The following ABCC1 variants were observed in gnomAD, a reference collection of about 807,000 sequenced individuals.
ABCC1 encodes the protein multidrug resistance-associated protein 1.
In ABCC1, 83 loss-of-function variants were observed where a neutral mutation model predicts 172.9. That is an observed-to-expected ratio of 0.48 (90% CI 0.40 to 0.58). ABCC1 has a LOEUF of 0.58. Ranked by LOEUF, ABCC1 falls within the 20% of genes least tolerant of loss-of-function variation. ABCC1 has a pLI of 0.00. For missense variants in ABCC1, 1,817 were observed against 2,002.7 expected (o/e 0.91, Z 1.77); for synonymous variants, 937 against 825.2 (o/e 1.14, Z -2.32).
At chr16:15,959,940 C>T (rs2046091338) in intron 1 of ABCC1, among the ~76,000 whole-genome samples, 1 of 152,194 alleles carries the variant, frequency 6.6e-6, no homozygotes, top group African/African-American at 2.4e-5. Context: ...CTGTAACCCT[C>T]AAGTAGTAAT....
chr16:16,029,695 A>G (rs2048497028), intron 5 of ABCC1, among the ~76,000 whole-genome samples: 2 of 152,228 alleles, frequency 1.3e-5, no homozygotes, highest in African/African-American at 4.8e-5. Context: ...TCTAATGATA[A>G]CATCTGAAAG....
At chr16:16,036,153 A>G (rs2048747410) in intron 6 of ABCC1, among the ~76,000 whole-genome samples, 1 of 151,934 alleles carries the variant, frequency 6.6e-6, no homozygotes. Flanking sequence ...ACGAATAATA[A>G]AAAATAAAAA....
At chr16:16,118,036 C>T (rs929663852) in intron 23 of ABCC1, among the ~76,000 whole-genome samples, 16 of 152,258 alleles carry the variant, frequency 1.1e-4, no homozygotes, top group African/African-American at 3.4e-4. Context: ...CTTAGGATAT[C>T]GCAGGATAGA....
At chr16:16,026,412 C>T (rs536854312) in intron 5 of ABCC1, among the ~76,000 whole-genome samples, 52 of 109,930 alleles carry the variant, frequency 4.7e-4, no homozygotes, top group Admixed American at 3.7e-3. Flanking sequence ...GCAGCCTGGG[C>T]GATGAGAGTG....
intron 20 of ABCC1, among the ~76,000 whole-genome samples, chr16:16,105,015 C>T (rs1271998399): frequency 6.6e-6 from 1 of 152,158 alleles, no homozygotes; most frequent in East Asian, 1.9e-4. Context: ...TCTCCCTCCA[C>T]ACCTCCCCGC....
chr16:16,119,161 T>C (rs904508519), intron 23 of ABCC1, among the ~76,000 whole-genome samples: 2 of 152,118 alleles, frequency 1.3e-5, no homozygotes, highest in Non-Finnish European at 2.9e-5. Context: ...TGAAGTTCGG[T>C]CGGGTGCAGT....
At chr16:16,074,588 G>C (rs1287881767) in intron 14 of ABCC1, among the ~76,000 whole-genome samples, 3 of 152,132 alleles carry the variant, frequency 2.0e-5, no homozygotes, top group Non-Finnish European at 2.9e-5. Context: ...TGGCCTCCTA[G>C]GTGGTTGGAC....
At chr16:16,015,010 C>G (rs528402093) in intron 4 of ABCC1, among the ~76,000 whole-genome samples, 2 of 152,288 alleles carry the variant, frequency 1.3e-5, no homozygotes, top group Admixed American at 1.3e-4. Context: ...AGTGACTGTT[C>G]CCCTGGGGGA....
At chr16:16,065,689 T>A (rs1335608326) in intron 12 of ABCC1, among the ~76,000 whole-genome samples, 2 of 152,146 alleles carry the variant, frequency 1.3e-5, no homozygotes, top group African/African-American at 4.8e-5. Flanking sequence ...TGCCTTGGCC[T>A]CCCAACATGC....
chr16:16,114,601 A>G lies in ABCC1; in HGVS notation c.3080-165A>G, dbSNP rs13332852. Among the ~76,000 whole-genome samples the G allele has an allele frequency of 6.4e-3, 981 of 152,146 alleles. 13 individuals carry two copies. The highest frequency in any genetic ancestry group is 0.022 in the African/African-American group (921 of 41,492). The stretch of plus-strand genomic sequence containing the variant: ...AGTGATCCACCCACCTCGGCCTCCC[A>G]AAGTGCTGGGATTACAGGTGTGAGC... On this transcript the variant is annotated intron_variant, in intron 22 of 30. Transcript: ENST00000399410.
At chr16:15,999,935 A>G (rs990798008) in intron 1 of ABCC1, among the ~76,000 whole-genome samples, 4 of 145,680 alleles carry the variant, frequency 2.7e-5, no homozygotes, top group Non-Finnish European at 4.5e-5. Flanking sequence ...GCTCACTGCA[A>G]CCTCTGCTTC....
At chr16:16,028,592 C>A (rs567539202) in intron 5 of ABCC1, among the ~76,000 whole-genome samples, 1 of 152,108 alleles carries the variant, frequency 6.6e-6, no homozygotes, top group African/African-American at 2.4e-5. Context: ...GGTGTCAGCT[C>A]TTCCGGATGA....
In ABCC1 at chr16:16,034,023, C is replaced by CTT. The variant is rs10580146; in HGVS notation, c.677+874_677+875dup. Among the ~76,000 whole-genome samples the CTT allele has an allele frequency of 1.2e-3, 107 of 86,828 alleles. 6 individuals are homozygous for CTT. Among genetic ancestry groups the CTT allele is most frequent in the East Asian group, 3.3e-3 (9 of 2,692 alleles). 57.0% of individuals were successfully genotyped at this position (86,828 alleles called of 152,430 possible). ...TTTTTTTGCCCCTAATAAGCATCAT[C>CTT]TTTTTTTTTTTTTTTTTTTTTTGAG... On this transcript the variant is annotated intron_variant, in intron 6 of 30. Transcript: ENST00000399410.
At chr16:16,134,740 G>A (rs1239537880) in intron 28 of ABCC1, among the ~76,000 whole-genome samples, 1 of 146,984 alleles carries the variant, frequency 6.8e-6, no homozygotes, top group Non-Finnish European at 1.5e-5. Flanking sequence ...AGGCTCAAGC[G>A]ATTCTCCCAC....
intron 1 of ABCC1, among the ~76,000 whole-genome samples, chr16:15,950,879 G>C (rs1304026479): frequency 6.6e-6 from 1 of 152,102 alleles, no homozygotes; most frequent in Non-Finnish European, 1.5e-5. Flanking sequence ...TGCATTTGGA[G>C]TGTTGAAAAG....
chr16:15,979,642 G>A (rs1012886378), intron 1 of ABCC1, among the ~76,000 whole-genome samples: 2 of 151,938 alleles, frequency 1.3e-5, no homozygotes, highest in Non-Finnish European at 2.9e-5. Flanking sequence ...TTAGCACCTC[G>A]GCCCTTCTTA....
chr16:16,124,188 T>C (rs2045299743), intron 24 of ABCC1, among the ~76,000 whole-genome samples: 1 of 152,204 alleles, frequency 6.6e-6, no homozygotes, highest in Non-Finnish European at 1.5e-5. Context: ...GAGACTGTTA[T>C]TTTCTACTTG....
chr16:16,098,812 G>A (rs2051595222), intron 19 of ABCC1: 1 of 1,323,080 alleles, frequency 7.6e-7, no homozygotes, highest in Non-Finnish European at 1.0e-6. Flanking sequence ...TTTAGATAGG[G>A]GCTTAGGGCG....
At chr16:15,999,977 C>A (rs568467121) in intron 1 of ABCC1, among the ~76,000 whole-genome samples, 2 of 149,782 alleles carry the variant, frequency 1.3e-5, no homozygotes, top group Non-Finnish European at 3.0e-5. Flanking sequence ...GCCTCAGCCT[C>A]CCGAGTAGCT....
Sources: gnomAD v4.1 joint callset for allele counts (sites outside exome capture counted in the v4.1 genomes callset) on GRCh38, gnomAD v4.1.1 for gene constraint, MANE v1.5 for transcripts, NCBI Gene and HGNC (gene_info 2026-07-23, HGNC 2026-07-21) for gene names.